The following SORCS3 variants were observed in gnomAD, a reference collection of about 807,000 sequenced individuals.
SORCS3 encodes the protein VPS10 domain-containing receptor SorCS3.
SORCS3 carries 57 observed loss-of-function variants against 146.3 expected under a neutral mutation model. That is an observed-to-expected ratio of 0.39 (90% CI 0.31 to 0.49). The LOEUF (loss-of-function observed/expected upper bound fraction) is 0.49. Among genes scored for constraint, SORCS3 ranks in the 20% least tolerant of loss-of-function variants. The probability of loss-of-function intolerance (pLI) is 0.92; values close to 1 mark genes in which losing one functional copy is unlikely to be tolerated. For synonymous variants in SORCS3, 653 were observed against 618.5 expected, an observed-to-expected ratio of 1.06 and a Z score of -0.83; for missense variants, 1,341 against 1,575.5, an observed-to-expected ratio of 0.85 and a Z score of 2.52.
chr10:104,989,801 G>C (rs1186825087), intron 4 of SORCS3, among the ~76,000 whole-genome samples: 1 of 152,186 alleles, frequency 6.6e-6, no homozygotes, highest in Non-Finnish European at 1.5e-5. Flanking sequence ...TGTAATAGTG[G>C]CTGTTCTGTA....
intron 4 of SORCS3, among the ~76,000 whole-genome samples, chr10:105,040,446 C>A (rs1029380317): frequency 2.6e-5 from 4 of 152,142 alleles, no homozygotes; most frequent in African/African-American, 9.7e-5. Flanking sequence ...ATATTGGCAC[C>A]TTTGCTCCTG....
chr10:104,910,317 T>A (rs1195116391), intron 2 of SORCS3, among the ~76,000 whole-genome samples: 1 of 152,186 alleles, frequency 6.6e-6, no homozygotes. Flanking sequence ...AGTTATGCCC[T>A]GAGGTGACCC....
At chr10:104,657,606 G>T (rs191577140) in intron 1 of SORCS3, among the ~76,000 whole-genome samples, 1 of 152,248 alleles carries the variant, frequency 6.6e-6, no homozygotes, top group East Asian at 1.9e-4. Context: ...TAGTCCAAAA[G>T]AATTAATTGT....
At chr10:105,073,705 G>A (rs1326120226) in intron 5 of SORCS3, among the ~76,000 whole-genome samples, 2 of 152,154 alleles carry the variant, frequency 1.3e-5, no homozygotes, top group Non-Finnish European at 2.9e-5. Flanking sequence ...GGATGTAGAG[G>A]TCAGAGGGAA....
intron 6 of SORCS3, among the ~76,000 whole-genome samples, chr10:105,103,122 A>T (rs1224988293): frequency 1.3e-5 from 2 of 152,166 alleles, no homozygotes; most frequent in Non-Finnish European, 2.9e-5. Context: ...TTAGAGACTC[A>T]GAATGTCTTC....
chr10:104,910,746 G>C (rs930920593), intron 2 of SORCS3, among the ~76,000 whole-genome samples: 1 of 152,268 alleles, frequency 6.6e-6, no homozygotes, highest in African/African-American at 2.4e-5. Flanking sequence ...ACAAGGGATA[G>C]AGACACACAT....
chr10:104,806,774 G>A (rs1486815420), intron 1 of SORCS3, among the ~76,000 whole-genome samples: 2 of 152,172 alleles, frequency 1.3e-5, no homozygotes, highest in Admixed American at 6.5e-5. Context: ...CAACTACAAA[G>A]AAATCATAAA....
chr10:105,190,723 T>C (rs2119592563), intron 14 of SORCS3, among the ~76,000 whole-genome samples: 1 of 152,166 alleles, frequency 6.6e-6, no homozygotes, highest in South Asian at 2.1e-4. Flanking sequence ...ATTATTATTG[T>C]TATTTGACTG....
intron 2 of SORCS3, among the ~76,000 whole-genome samples, chr10:104,851,397 T>G (rs912004524): frequency 1.3e-5 from 2 of 152,224 alleles, no homozygotes; most frequent in Non-Finnish European, 2.9e-5. Context: ...TATCACAATC[T>G]TAAATAACCC....
chr10:104,945,929 T>C (rs1164391601), intron 3 of SORCS3, among the ~76,000 whole-genome samples: 2 of 152,004 alleles, frequency 1.3e-5, no homozygotes, highest in African/African-American at 4.8e-5. Context: ...TTAAGACATT[T>C]GATATGATTT....
At chr10:105,039,068 A>G (rs1202735114) in intron 4 of SORCS3, among the ~76,000 whole-genome samples, 5 of 152,110 alleles carry the variant, frequency 3.3e-5, no homozygotes, top group Non-Finnish European at 5.9e-5. Flanking sequence ...GGCATTTTTG[A>G]CCTTTGTAAC....
At chr10:104,860,685 AT>A (rs1366739804) in intron 2 of SORCS3, among the ~76,000 whole-genome samples, 2 of 152,214 alleles carry the variant, frequency 1.3e-5, no homozygotes, top group Admixed American at 6.5e-5. Flanking sequence ...TGCTTTACAT[AT>A]GTTTAACTCA....
At position 104,661,481 on chromosome 10, in the gene SORCS3, C is replaced by T. The variant is rs148832629; in HGVS notation, c.627+19527C>T. Among the ~76,000 whole-genome samples the T allele has an allele frequency of 3.3e-4, 51 of 152,282 alleles. No homozygotes were observed. In the East Asian group the frequency reaches 9.5e-3, roughly 28 times the overall value. On this transcript the variant is annotated intron_variant, in intron 1 of 26. Transcript: ENST00000369701. Reference sequence around the variant, plus strand: ...TGACCATCATGGGCATCCTAGCAATCAGTGACATACCTCAACAGGCAAGCT... The same window carrying T: ...TGACCATCATGGGCATCCTAGCAATTAGTGACATACCTCAACAGGCAAGCT...
intron 3 of SORCS3, among the ~76,000 whole-genome samples, chr10:104,969,923 A>G (rs1318330787): frequency 6.6e-6 from 1 of 152,152 alleles, no homozygotes; most frequent in Non-Finnish European, 1.5e-5. Flanking sequence ...ATTCAATGGT[A>G]ACCCTTATTT....
intron 1 of SORCS3, among the ~76,000 whole-genome samples, chr10:104,651,080 A>G (rs753925490): frequency 3.9e-5 from 6 of 152,246 alleles, no homozygotes; most frequent in Admixed American, 3.3e-4. Flanking sequence ...GTCTACAATA[A>G]GAGTTCTGAG....
chr10:105,133,503 A>C (rs545901323), intron 7 of SORCS3, among the ~76,000 whole-genome samples: 2 of 152,314 alleles, frequency 1.3e-5, no homozygotes, highest in Admixed American at 1.3e-4. Context: ...TGTAACAATG[A>C]AAGGCTATAT....
chr10:104,992,659 A>C (rs996511495), intron 4 of SORCS3, among the ~76,000 whole-genome samples: 1 of 152,206 alleles, frequency 6.6e-6, no homozygotes, highest in Non-Finnish European at 1.5e-5. Context: ...CTCATGCAAC[A>C]GGAAATGTGT....
At chr10:104,793,990 G>A (rs1420988519) in intron 1 of SORCS3, among the ~76,000 whole-genome samples, 6 of 152,178 alleles carry the variant, frequency 3.9e-5, no homozygotes, top group African/African-American at 1.4e-4. Flanking sequence ...AGTGTGGCAG[G>A]TCAGTGATGG....
chr10:104,968,018 A>G (rs1337908798), intron 3 of SORCS3, among the ~76,000 whole-genome samples: 1 of 152,154 alleles, frequency 6.6e-6, no homozygotes, highest in Admixed American at 6.5e-5. Flanking sequence ...TGTGCCTGGT[A>G]GTGTGCTAAG....
Sources: gnomAD v4.1 joint callset for allele counts (sites outside exome capture counted in the v4.1 genomes callset) on GRCh38, gnomAD v4.1.1 for gene constraint, MANE v1.5 for transcripts, NCBI Gene and HGNC (gene_info 2026-07-23, HGNC 2026-07-21) for gene names.